Variants in PRDM16 observed in about 807,000 individuals in gnomAD.
PRDM16 encodes histone-lysine N-methyltransferase PRDM16.
A neutral mutation model predicts 110.6 loss-of-function variants in PRDM16; 23 were observed. The ratio of observed to expected loss-of-function variants is 0.21; its 90% CI spans 0.15 to 0.29. The LOEUF (loss-of-function observed/expected upper bound fraction) is 0.29. PRDM16 is among the 10% of genes least tolerant of loss of function. The probability of loss-of-function intolerance (pLI) is 1.00; values close to 1 mark genes in which losing one functional copy is unlikely to be tolerated. For synonymous variants in PRDM16, 799 were observed against 781.8 expected (o/e 1.02, Z -0.37); for missense variants, 1,615 against 1,794.3 (o/e 0.90, Z 1.81).
At chr1:3,103,764 T>G (rs1642586042) in intron 1 of PRDM16, among the ~76,000 whole-genome samples, 1 of 152,228 alleles carries the variant, frequency 6.6e-6, no homozygotes, top group Non-Finnish European at 1.5e-5. Context: ...CCAGGGCTGC[T>G]CTGGAGTGCA....
Position 3,201,779 on chromosome 1 carries a change from T to C in PRDM16, c.387+15305T>C, listed in dbSNP as rs1638634347. 6.6e-6 allele frequency among the ~76,000 whole-genome samples: 1 copy of C among 152,154 alleles called. No individual in the cohort carries two copies. The stretch of plus-strand genomic sequence containing the variant: ...GTCTGCCCCGCTTCCACGCGAGCCC[T>C]CTCCCACCTGGCCTCTGTTTCTACC... On this transcript the variant is annotated intron_variant, in intron 2 of 16. Transcript: ENST00000270722. The surrounding 1 kb of genome is among the most constrained non-coding windows in gnomAD (Gnocchi z 4.1).
At chr1:3,292,498 C>T (rs557494680) in intron 3 of PRDM16, among the ~76,000 whole-genome samples, 3 of 152,358 alleles carry the variant, frequency 2.0e-5, no homozygotes, top group African/African-American at 7.2e-5. Context: ...GGGGCCGCAG[C>T]GTCCCCCGAG....
intron 1 of PRDM16, among the ~76,000 whole-genome samples, chr1:3,084,016 C>A (rs1642091758): frequency 6.6e-6 from 1 of 152,224 alleles, no homozygotes; most frequent in Admixed American, 6.5e-5. Flanking sequence ...GACCCTTGTT[C>A]GGAGAGATGT....
At position 3,255,718 on chromosome 1, in the gene PRDM16, T is replaced by C. The variant is rs145099209; in HGVS notation, c.438+11581T>C. On this transcript the variant is annotated intron_variant, in intron 3 of 16. Coordinates refer to ENST00000270722, the MANE Select transcript of PRDM16 (RefSeq NM_022114.4). The surrounding 1 kb of genome is among the most constrained non-coding windows in gnomAD (Gnocchi z 4.7). ...GCCTGCCCCCCTTGGATGCCAGAGC[T>C]ATCTGGGAGTTGTGAAATATTCCTG... Among the ~76,000 whole-genome samples, 2 of 152,280 alleles carry C rather than the reference T, an allele frequency of 1.3e-5. No individual in the cohort carries two copies. Among genetic ancestry groups the C allele is most frequent in the African/African-American group, 4.8e-5 (2 of 41,554 alleles).
intron 3 of PRDM16, among the ~76,000 whole-genome samples, chr1:3,331,662 C>T (rs536170961): frequency 3.9e-5 from 6 of 152,278 alleles, no homozygotes; most frequent in African/African-American, 7.2e-5. Flanking sequence ...TGCCCAGGGC[C>T]GCTGACAGCC....
At position 3,069,253 on chromosome 1, in the gene PRDM16, C is replaced by A. The variant is rs1641678734; in HGVS notation, c.-7C>A. On this transcript the variant is annotated 5_prime_UTR_variant, in exon 1 of 17. Coordinates refer to ENST00000270722, the MANE Select transcript of PRDM16 (RefSeq NM_022114.4). This position sits in a 1 kb window ranked among gnomAD's most constrained non-coding sequence, Gnocchi z 6.1. Reference sequence around the variant, plus strand: ...GGAGGAGGAGAGAGATTCCGCGAGCCGACACCATGCGATCCAAGGCGAGGG... The same window carrying A: ...GGAGGAGGAGAGAGATTCCGCGAGCAGACACCATGCGATCCAAGGCGAGGG... 2.5e-6 allele frequency: 4 copies of A among 1,574,690 alleles called. No individual in the cohort carries two copies. Among genetic ancestry groups the A allele is most frequent in the Non-Finnish European group, 8.6e-7 (1 of 1,161,812 alleles).
At chr1:3,240,098 GAGGAGAGGAGGAGAA>G (rs1309819139) in intron 2 of PRDM16, among the ~76,000 whole-genome samples, 2 of 145,700 alleles carry the variant, frequency 1.4e-5, no homozygotes, top group Non-Finnish European at 3.0e-5. Flanking sequence ...GAGGAGAGGA[GAGGAGAGGAGGAGAA>G]GAGAAGAGAA....
At chr1:3,109,824 T>C (rs539528257) in intron 1 of PRDM16, among the ~76,000 whole-genome samples, 3 of 152,320 alleles carry the variant, frequency 2.0e-5, no homozygotes, top group African/African-American at 7.2e-5. Flanking sequence ...GAGTGGCCGG[T>C]GTGTTTTTCA....
Position 3,213,587 on chromosome 1 carries a change from C to T in PRDM16, c.387+27113C>T, listed in dbSNP as rs369893266. 1.3e-5 allele frequency among the ~76,000 whole-genome samples: 2 copies of T among 152,252 alleles called. No homozygotes were observed. Among genetic ancestry groups the T allele is most frequent in the South Asian group, 2.1e-4 (1 of 4,826 alleles). On this transcript the variant is annotated intron_variant, in intron 2 of 16. Coordinates refer to ENST00000270722, the MANE Select transcript of PRDM16 (RefSeq NM_022114.4). The surrounding 1 kb of genome is among the most constrained non-coding windows in gnomAD (Gnocchi z 5.3). ...AGACACCTGGAACTCACTCTTTCTC[C>T]GAGGAACAGGAGCAAGTGCGGCATT...
At chr1:3,269,577 C>T (rs140793355) in intron 3 of PRDM16, among the ~76,000 whole-genome samples, 4,062 of 139,596 alleles carry the variant, frequency 0.029, 68 homozygotes, top group Middle Eastern at 0.096. Context: ...AGGACAGTCC[C>T]GGAGGAGGAC....
intron 2 of PRDM16, among the ~76,000 whole-genome samples, chr1:3,189,857 A>T (rs549954930): frequency 1.8e-4 from 28 of 152,230 alleles, no homozygotes; most frequent in Non-Finnish European, 3.7e-4. Context: ...TAGGTTTGAA[A>T]TAAAAGTCAC....
chr1:3,194,427 C>T (rs1016310770), intron 2 of PRDM16, among the ~76,000 whole-genome samples: 6 of 152,126 alleles, frequency 3.9e-5, no homozygotes, highest in East Asian at 1.9e-4. Flanking sequence ...CACCCTATTA[C>T]GCCTTATCCT....
At chr1:3,395,229 G>A (rs768273854) in intron 4 of PRDM16, among the ~76,000 whole-genome samples, 2 of 152,142 alleles carry the variant, frequency 1.3e-5, no homozygotes, top group East Asian at 3.9e-4. Flanking sequence ...GCCCTGTCTC[G>A]GGGGTGCCCA....
Position 3,157,422 on chromosome 1 carries a change from T to TTAAA in PRDM16, c.38-28703_38-28702insTAAA, listed in dbSNP as rs1553135598. Among the ~76,000 whole-genome samples the TTAAA allele has an allele frequency of 8.2e-6, 1 of 122,182 alleles. No individual in the cohort carries two copies. The highest frequency in any genetic ancestry group is 2.6e-4 in the South Asian group (1 of 3,838). The allele number at this position is 122,182 out of a possible 152,430, so 80.2% of individuals were successfully genotyped here. A position where few individuals can be genotyped will look rare whatever the true frequency, so the allele number is the denominator to read the frequency against. ...GCTCCCAGGCCTTTTGCGATCCCAT[T>TTAAA]AAAAAAAAAAAAAAAAAAAACACCT... is the stretch of plus-strand genomic sequence containing the variant. On this transcript the variant is annotated intron_variant, in intron 1 of 16. Transcript: ENST00000270722. The surrounding 1 kb of genome is among the most constrained non-coding windows in gnomAD (Gnocchi z 4.8).
intron 1 of PRDM16, among the ~76,000 whole-genome samples, chr1:3,107,819 C>T (rs1642700721): frequency 6.6e-6 from 1 of 152,260 alleles, no homozygotes; most frequent in Non-Finnish European, 1.5e-5. Context: ...TCTCCCTGCC[C>T]TGGGCCTTGC....
intron 1 of PRDM16, among the ~76,000 whole-genome samples, chr1:3,181,580 G>GCA (rs1644191631): frequency 8.6e-6 from 1 of 116,414 alleles, no homozygotes; most frequent in Admixed American, 9.3e-5. Flanking sequence ...TCTTACACAC[G>GCA]GTCTTACATA....
intron 4 of PRDM16, among the ~76,000 whole-genome samples, chr1:3,391,985 C>T (rs1347771698): frequency 6.6e-6 from 1 of 152,194 alleles, no homozygotes; most frequent in Non-Finnish European, 1.5e-5. Context: ...ATCATCACAG[C>T]GCTTTCCCAC....
rs537466564 is a variant in PRDM16, at chr1:3,243,811, T to A, written c.388-276T>A. Among the ~76,000 whole-genome samples the A allele has an allele frequency of 2.8e-4, 42 of 152,082 alleles. No individual in the cohort carries two copies. Among genetic ancestry groups the A allele is most frequent in the Non-Finnish European group, 4.6e-4 (31 of 67,984 alleles). ...CCACCCAACCACTAAAGGGCCAGAGTGAGCTACACAGTGTGTCTCCATCCC... is the reference window on the plus strand; with the variant it reads ...CCACCCAACCACTAAAGGGCCAGAGAGAGCTACACAGTGTGTCTCCATCCC... On this transcript the variant is annotated intron_variant, in intron 2 of 16. Coordinates refer to ENST00000270722, the MANE Select transcript of PRDM16 (RefSeq NM_022114.4). This position sits in a 1 kb window ranked among gnomAD's most constrained non-coding sequence, Gnocchi z 5.5.
At chr1:3,082,466 G>A (rs1391070294) in intron 1 of PRDM16, among the ~76,000 whole-genome samples, 2 of 152,212 alleles carry the variant, frequency 1.3e-5, no homozygotes, top group Admixed American at 6.5e-5. Flanking sequence ...CAGGGTCTGG[G>A]GACCATTCCC....
Sources: gnomAD v4.1 joint callset for allele counts (sites outside exome capture counted in the v4.1 genomes callset) on GRCh38, gnomAD v4.1.1 for gene constraint, Gnocchi (gnomAD v3.1) non-coding constraint, MANE v1.5 for transcripts, NCBI Gene and HGNC (gene_info 2026-07-23, HGNC 2026-07-21) for gene names.